The following PCDHA1 variants were observed in gnomAD, a reference collection of about 807,000 sequenced individuals.
PCDHA1 encodes the protein protocadherin alpha 1.
Under a neutral mutation model 61.3 loss-of-function variants are expected in PCDHA1, and 42 were observed. That is an observed-to-expected ratio of 0.69 (90% CI 0.54 to 0.89). The LOEUF is 0.89. Among genes scored for constraint, PCDHA1 ranks in the 40% least tolerant of loss-of-function variants. The pLI, the probability that PCDHA1 is intolerant of heterozygous loss-of-function variation, is 0.00. For synonymous variants in PCDHA1, 610 were observed against 553.8 expected (o/e 1.10, Z -1.43); for missense variants, 1,256 against 1,235.3 (o/e 1.02, Z -0.25).
At chr5:140,872,638 G>A (rs1429990038) in intron 1 of PCDHA1, among the ~76,000 whole-genome samples, 2 of 152,092 alleles carry the variant, frequency 1.3e-5, no homozygotes, top group Admixed American at 1.3e-4. Flanking sequence ...TTTGTTCCAT[G>A]AAAAGGCAAG....
At position 140,857,927 on chromosome 5, in the gene PCDHA1, A is replaced by C. The variant is rs1554150876; in HGVS notation, c.2394+69243A>C. ...CATCCCGTTTCGCGTGGGGCTGTAC[A>C]CGGGCGAGATCAGTACGACGCGCGC... On this transcript the variant is annotated intron_variant, in intron 1 of 3. Transcript: ENST00000504120. The C allele has an allele frequency of 1.9e-6, 3 of 1,597,510 alleles. 1 individual carries two copies. Among genetic ancestry groups the C allele is most frequent in the Non-Finnish European group, 2.6e-6 (3 of 1,167,484 alleles).
intron 1 of PCDHA1, chr5:140,870,474 C>G: frequency 6.2e-7 from 1 of 1,614,218 alleles, no homozygotes; most frequent in South Asian, 1.1e-5. Context: ...TCGCACAGCC[C>G]GAGTACACCG....
chr5:140,927,755 C>G (rs1388061408), intron 1 of PCDHA1: 6 of 1,614,196 alleles, frequency 3.7e-6, no homozygotes, highest in Non-Finnish European at 5.1e-6. Flanking sequence ...CACGTGCACC[C>G]TAAAAGTGGG....
Position 140,788,212 on chromosome 5 carries a change from A to G in PCDHA1, c.1922A>G (p.Asp641Gly), listed in dbSNP as rs140414707. ...ISTTRVLDEA[D>G]LSRYRLLVLV... The stretch of plus-strand genomic sequence containing the variant: ...ACGACTCGTGTCCTGGACGAGGCTG[A>G]CTTGTCGCGCTACCGCCTTCTGGTG... The change falls in exon 1 of 4, where the codon GAC becomes GGC. Residue 641 changes from aspartate to glycine, a missense_variant. Asp to Gly is a moderately conservative substitution (Grantham distance 94). Transcript: ENST00000504120. 73 of 1,613,886 alleles carry G rather than the reference A, an allele frequency of 4.5e-5. No individual in the cohort carries two copies. The African/African-American group carries it at 7.6e-4, about 17-fold the overall frequency.
At chr5:140,994,788 C>A (rs139745274) in intron 3 of PCDHA1, among the ~76,000 whole-genome samples, 6 of 152,076 alleles carry the variant, frequency 3.9e-5, no homozygotes, top group Admixed American at 3.9e-4. Flanking sequence ...GGAAACAATG[C>A]GTGCATGCAA....
In PCDHA1 at chr5:140,858,243, C is replaced by T. The variant is rs781796341; in HGVS notation, c.2394+69559C>T. On this transcript the variant is annotated intron_variant, in intron 1 of 3. Transcript: ENST00000504120. ...GCGCCCACCGAGGGCGCATGTGGGC[C>T]GGTGAAGCCCACGCTGGTGTGCTCT... The T allele has an allele frequency of 6.9e-6, 11 of 1,595,896 alleles. No homozygotes were observed. The highest frequency in any genetic ancestry group is 6.9e-6 in the Non-Finnish European group (8 of 1,165,828).
intron 1 of PCDHA1, chr5:140,843,169 C>A: frequency 6.3e-7 from 1 of 1,596,092 alleles, no homozygotes; most frequent in South Asian, 1.1e-5. Context: ...CAGCTGCAAG[C>A]AGCCCTCGCA....
chr5:140,809,131 G>A, intron 1 of PCDHA1: 1 of 1,614,044 alleles, frequency 6.2e-7, no homozygotes, highest in Non-Finnish European at 8.5e-7. Context: ...ACCGCCTACT[G>A]GTACTGGTGA....
Position 140,830,475 on chromosome 5 carries a change from A to G in PCDHA1, c.2394+41791A>G, listed in dbSNP as rs2150187028. Reference sequence around the variant, plus strand: ...GAGAATCAGGATTTAAATGAAGATCATGATGCCAAAGTAAGTGAATTTTCA... The same window carrying G: ...GAGAATCAGGATTTAAATGAAGATCGTGATGCCAAAGTAAGTGAATTTTCA... On this transcript the variant is annotated intron_variant, in intron 1 of 3. Coordinates refer to ENST00000504120, the MANE Select transcript of PCDHA1 (RefSeq NM_018900.4). 8.3e-5 allele frequency: 129 copies of G among 1,550,270 alleles called. No individual in the cohort carries two copies. The highest frequency in any genetic ancestry group is 9.5e-5 in the Non-Finnish European group (109 of 1,144,322).
At chr5:140,958,278 T>A (rs1445019557) in intron 1 of PCDHA1, among the ~76,000 whole-genome samples, 1 of 152,090 alleles carries the variant, frequency 6.6e-6, no homozygotes, top group Non-Finnish European at 1.5e-5. Flanking sequence ...GAAGTATATA[T>A]TTTAAATATT....
Position 140,821,939 on chromosome 5 carries a change from T to A in PCDHA1, c.2394+33255T>A, listed in dbSNP as rs1489594873. 36 of 1,614,162 alleles carry A rather than the reference T, an allele frequency of 2.2e-5. No homozygotes were observed. Among genetic ancestry groups the A allele is most frequent in the Non-Finnish European group, 2.7e-5 (32 of 1,180,042 alleles). ...ATCGCGCAGGACCTAGGGCTGGAGCTGGCGGAGCTGGTGCCGCGCCTGTTC... is the reference window on the plus strand; with the variant it reads ...ATCGCGCAGGACCTAGGGCTGGAGCAGGCGGAGCTGGTGCCGCGCCTGTTC... On this transcript the variant is annotated intron_variant, in intron 1 of 3. Coordinates refer to ENST00000504120, the MANE Select transcript of PCDHA1 (RefSeq NM_018900.4).
At chr5:140,936,577 A>G (rs776415020) in intron 1 of PCDHA1, among the ~76,000 whole-genome samples, 1 of 152,186 alleles carries the variant, frequency 6.6e-6, no homozygotes, top group Non-Finnish European at 1.5e-5. Flanking sequence ...TCCACTTGTA[A>G]ATCCAGTTAG....
rs201231291 is a variant in PCDHA1, at chr5:140,849,957, G to A, written c.2394+61273G>A. On this transcript the variant is annotated intron_variant, in intron 1 of 3. Transcript: ENST00000504120. ...GCGGGACGCTGACGCGCAGGAGAAC[G>A]CCCTGGTGTCCTACTCGCTGGTGGA... The A allele has an allele frequency of 3.1e-6, 5 of 1,597,800 alleles. 1 individual carries two copies. The highest frequency in any genetic ancestry group is 3.4e-6 in the Non-Finnish European group (4 of 1,167,908).
In PCDHA1 at chr5:140,788,429, C is replaced by T. The variant is rs1283382452; in HGVS notation, c.2139C>T (p.Leu713=). Residue 713 remains leucine (L), a synonymous_variant, in exon 1 of 4, where the codon CTC becomes CTT. Transcript: ENST00000504120. The part of the protein sequence containing the change: ...AICAVSSLLV[L]TLLLYTALRC... ...GCGCGGTGTCCAGCCTGCTGGTGCT[C>T]ACACTGCTGCTGTACACGGCGCTGC... is the stretch of plus-strand genomic sequence containing the variant. 1 of 1,614,124 alleles carries T rather than the reference C, an allele frequency of 6.2e-7. No individual in the cohort carries two copies. Among genetic ancestry groups the T allele is most frequent in the Non-Finnish European group, 8.5e-7 (1 of 1,179,998 alleles).
chr5:140,998,755 A>G (rs940678929), intron 3 of PCDHA1, among the ~76,000 whole-genome samples: 2 of 152,062 alleles, frequency 1.3e-5, no homozygotes, highest in African/African-American at 4.8e-5. Flanking sequence ...GAAGAGACAC[A>G]GTTTCACTAT....
intron 1 of PCDHA1, among the ~76,000 whole-genome samples, chr5:140,819,989 T>C (rs920355948): frequency 1.3e-5 from 2 of 152,044 alleles, no homozygotes; most frequent in Non-Finnish European, 2.9e-5. Flanking sequence ...GTGTATTTTG[T>C]ATAAAATTCT....
At chr5:141,001,333 T>G (rs1554258097) in intron 3 of PCDHA1, among the ~76,000 whole-genome samples, 1 of 152,178 alleles carries the variant, frequency 6.6e-6, no homozygotes, top group African/African-American at 2.4e-5. Context: ...TCACCATAAT[T>G]TACATGATGT....
intron 3 of PCDHA1, among the ~76,000 whole-genome samples, chr5:140,989,348 G>A (rs1455202093): frequency 6.6e-6 from 1 of 152,196 alleles, no homozygotes; most frequent in African/African-American, 2.4e-5. Context: ...GCTCAAAGGT[G>A]ATAGGTCACC....
rs1198183048 is a variant in PCDHA1, at chr5:140,803,348, A to G, written c.2394+14664A>G. 10 of 1,614,030 alleles carry G rather than the reference A, an allele frequency of 6.2e-6. No individual in the cohort carries two copies. The African/African-American group carries it at 1.1e-4, about 17-fold the overall frequency. On this transcript the variant is annotated intron_variant, in intron 1 of 3. Coordinates refer to ENST00000504120, the MANE Select transcript of PCDHA1 (RefSeq NM_018900.4). ...GTCTGTTGGTGCTCACACTGCTGCT[A>G]TATACTGCTCTGCGGTGCTCCGCGC...
Sources: gnomAD v4.1 joint callset for allele counts (sites outside exome capture counted in the v4.1 genomes callset) on GRCh38, gnomAD v4.1.1 for gene constraint, MANE v1.5 for transcripts, NCBI Gene and HGNC (gene_info 2026-07-23, HGNC 2026-07-21) for gene names.